DGKI: variants seen among roughly 807,000 people sequenced by gnomAD.
The protein encoded by DGKI is diacylglycerol kinase iota.
Under a neutral mutation model 147.5 loss-of-function variants are expected in DGKI, and 55 were observed. That is an observed-to-expected ratio of 0.37 (90% CI 0.30 to 0.47). The LOEUF is 0.47. Among genes scored for constraint, DGKI ranks in the 20% least tolerant of loss-of-function variants. DGKI has a pLI of 1.00. For synonymous variants in DGKI, 469 were observed against 477.1 expected (o/e 0.98, Z 0.22); for missense variants, 1,007 against 1,323.8 (o/e 0.76, Z 3.71).
At chr7:137,552,156 C>T (rs1288213558) in intron 20 of DGKI, among the ~76,000 whole-genome samples, 2 of 152,114 alleles carry the variant, frequency 1.3e-5, no homozygotes, top group Admixed American at 6.5e-5. Context: ...ATCTCATGTA[C>T]AGTAATAACT....
At chr7:137,776,562 T>C (rs1387758508) in intron 1 of DGKI, among the ~76,000 whole-genome samples, 1 of 152,182 alleles carries the variant, frequency 6.6e-6, no homozygotes, top group African/African-American at 2.4e-5. Context: ...CAGAAAATGG[T>C]TAAGTGTGGT....
chr7:137,528,560 G>C (rs1239531276), intron 20 of DGKI, among the ~76,000 whole-genome samples: 1 of 152,110 alleles, frequency 6.6e-6, no homozygotes, highest in Non-Finnish European at 1.5e-5. Context: ...CAGTCTCTAA[G>C]ACATCCATTT....
At chr7:137,767,820 T>C (rs891177921) in intron 1 of DGKI, among the ~76,000 whole-genome samples, 1 of 152,204 alleles carries the variant, frequency 6.6e-6, no homozygotes, top group African/African-American at 2.4e-5. Flanking sequence ...GTATCTGCTT[T>C]ACATGGTTGC....
intron 6 of DGKI, among the ~76,000 whole-genome samples, chr7:137,635,777 G>A (rs1260389248): frequency 1.3e-5 from 2 of 152,214 alleles, no homozygotes; most frequent in African/African-American, 4.8e-5. Context: ...TCATGGTGCT[G>A]TGTCTCCATG....
chr7:137,657,137 A>G (rs1822254494), intron 3 of DGKI, among the ~76,000 whole-genome samples: 1 of 152,246 alleles, frequency 6.6e-6, no homozygotes, highest in African/African-American at 2.4e-5. Flanking sequence ...GGAAACAATA[A>G]TAAGAATAGC....
intron 21 of DGKI, among the ~76,000 whole-genome samples, chr7:137,505,009 A>C (rs1250138756): frequency 6.6e-6 from 1 of 151,870 alleles, no homozygotes; most frequent in Non-Finnish European, 1.5e-5. Context: ...CATCATTCTA[A>C]GCAAACTATC....
At chr7:137,638,563 T>TAC (rs748895730) in intron 6 of DGKI, among the ~76,000 whole-genome samples, 15 of 82,952 alleles carry the variant, frequency 1.8e-4, no homozygotes, top group Non-Finnish European at 3.6e-4. Flanking sequence ...TGTATATATA[T>TAC]ACACACATAT....
chr7:137,394,868 C>T (rs1201015391), intron 32 of DGKI, among the ~76,000 whole-genome samples: 1 of 152,154 alleles, frequency 6.6e-6, no homozygotes, highest in African/African-American at 2.4e-5. Context: ...ATGAGAACCA[C>T]CAACCTGCTG....
chr7:137,434,198 T>C (rs1813192986), intron 28 of DGKI, among the ~76,000 whole-genome samples: 1 of 152,206 alleles, frequency 6.6e-6, no homozygotes, highest in African/African-American at 2.4e-5. Flanking sequence ...CGTTACTTTT[T>C]TATTTTACAA....
chr7:137,484,391 T>C (rs940172698), intron 23 of DGKI, among the ~76,000 whole-genome samples: 1 of 152,110 alleles, frequency 6.6e-6, no homozygotes, highest in Non-Finnish European at 1.5e-5. Flanking sequence ...TTCACATTTA[T>C]AAATTTAGGC....
intron 1 of DGKI, among the ~76,000 whole-genome samples, chr7:137,766,086 A>G (rs1796006563): frequency 6.6e-6 from 1 of 152,184 alleles, no homozygotes; most frequent in Non-Finnish European, 1.5e-5. Context: ...ACAGATGAAG[A>G]TAAGAGGAGA....
At position 137,645,407 on chromosome 7, in the gene DGKI, T is replaced by C. The variant is rs1821789543; in HGVS notation, c.804+65A>G. On this transcript the variant is annotated intron_variant, in intron 6 of 32. Transcript: ENST00000614521. ...ACTGGATTTGGGGACAGGACTCATCTACCTCAGTTGCTTGCAGAGGCCTGG... is the reference window on the plus strand; with the variant it reads ...ACTGGATTTGGGGACAGGACTCATCCACCTCAGTTGCTTGCAGAGGCCTGG... 15 of 1,409,826 alleles carry C rather than the reference T, an allele frequency of 1.1e-5. No individual in the cohort carries two copies. In the South Asian group the frequency reaches 1.6e-4, roughly 15 times the overall value. 87.3% of individuals were successfully genotyped at this position (1,409,826 alleles called of 1,614,324 possible). A position where few individuals can be genotyped will look rare whatever the true frequency, so the allele number is the denominator to read the frequency against.
chr7:137,570,996 A>C (rs896338993), intron 19 of DGKI, among the ~76,000 whole-genome samples, 179 bp downstream of exon 19: 10 of 152,242 alleles, frequency 6.6e-5, no homozygotes, highest in African/African-American at 2.4e-4. Context: ...ACAAATGTGC[A>C]TCAGTTTTCT....
chr7:137,819,728 C>T (rs551618070), intron 1 of DGKI, among the ~76,000 whole-genome samples: 10 of 152,314 alleles, frequency 6.6e-5, no homozygotes, highest in African/African-American at 1.9e-4. Context: ...GAGATCCAAA[C>T]TCATTGTATG....
chr7:137,759,054 C>G (rs1795773984), intron 1 of DGKI, among the ~76,000 whole-genome samples: 2 of 152,120 alleles, frequency 1.3e-5, no homozygotes, highest in African/African-American at 4.8e-5. Flanking sequence ...CAAGTATACT[C>G]ATTACCCAAA....
rs929992493 is a variant in DGKI, at chr7:137,404,349, AAAGAT to A, written c.2920+3521_2920+3525del. On this transcript the variant is annotated intron_variant, in intron 30 of 32. Coordinates refer to ENST00000614521, the MANE Select transcript of DGKI (RefSeq NM_001321708.2). ...ACATCCGTATTTCTGAATAAATAAA[AAAGAT>A]AAGATAGACATCAAAAATGAAATTG... 3.6e-4 allele frequency among the ~76,000 whole-genome samples: 55 copies of A among 152,356 alleles called. 1 individual carries two copies. Among genetic ancestry groups the A allele is most frequent in the African/African-American group, 1.3e-3 (53 of 41,588 alleles).
At chr7:137,542,250 C>A (rs1485548194) in intron 20 of DGKI, among the ~76,000 whole-genome samples, 1 of 152,170 alleles carries the variant, frequency 6.6e-6, no homozygotes, top group Admixed American at 6.5e-5. Flanking sequence ...TATGACCCAG[C>A]AATCCCATTC....
At chr7:137,508,422 T>C (rs1816448639) in intron 21 of DGKI, among the ~76,000 whole-genome samples, 1 of 151,894 alleles carries the variant, frequency 6.6e-6, no homozygotes, top group African/African-American at 2.4e-5. Flanking sequence ...GAGACAGGGT[T>C]TCACCGTGTT....
chr7:137,639,923 T>C (rs917012856), intron 6 of DGKI, among the ~76,000 whole-genome samples: 1 of 152,136 alleles, frequency 6.6e-6, no homozygotes, highest in Non-Finnish European at 1.5e-5. Context: ...AGATAAGTAT[T>C]CACCCATGAA....
Sources: allele counts gnomAD v4.1 joint callset (sites outside exome capture counted in the v4.1 genomes callset), GRCh38; gene constraint gnomAD v4.1.1; transcripts MANE v1.5; gene names NCBI Gene and HGNC (gene_info 2026-07-23, HGNC 2026-07-21).